DPYD: variants seen among roughly 807,000 people sequenced by gnomAD.
The protein encoded by DPYD is dihydropyrimidine dehydrogenase [NADP(+)].
Under a neutral mutation model 116.2 loss-of-function variants are expected in DPYD, and 109 were observed. The observed-to-expected ratio is 0.94, with a 90% CI of 0.80 to 1.10. The LOEUF (loss-of-function observed/expected upper bound fraction) is 1.10, where lower values mean the gene tolerates loss of function less well. Ranked by LOEUF, DPYD falls within the 50% of genes least tolerant of loss-of-function variation. DPYD has a pLI of 0.00. For synonymous variants in DPYD, 440 were observed against 432.0 expected (o/e 1.02, Z -0.23); for missense variants, 1,302 against 1,254.5 (o/e 1.04, Z -0.57).
At chr1:97,742,190 CA>C (rs1664304511) in intron 3 of DPYD, among the ~76,000 whole-genome samples, 1 of 152,024 alleles carries the variant, frequency 6.6e-6, no homozygotes, top group Non-Finnish European at 1.5e-5. Flanking sequence ...TGCTCAGTGA[CA>C]AAGGTGACTA....
intron 2 of DPYD, 79 bp downstream of exon 2, chr1:97,883,184 TA>T (rs1408764571): frequency 2.3e-6 from 2 of 875,362 alleles, no homozygotes; most frequent in Non-Finnish European, 3.8e-6. Context: ...ACCTTATTTC[TA>T]AGTGTATGTA....
rs71071637 is a variant in DPYD at position 97,195,634 on chromosome 1, GTATA to G, written c.2443-2390_2443-2387del. Among the ~76,000 whole-genome samples the G allele has an allele frequency of 6.3e-3, 362 of 57,562 alleles. 15 individuals carry two copies. Among genetic ancestry groups the G allele is most frequent in the East Asian group, 0.013 (20 of 1,578 alleles). The allele number at this position is 57,562 out of a possible 152,430, so 37.8% of individuals were successfully genotyped here. On this transcript the variant is annotated intron_variant, in intron 19 of 22. Transcript: ENST00000370192. The stretch of plus-strand genomic sequence containing the variant: ...TATATATGTATGTGTATATGTATGT[GTATA>G]TATATATATATATATATATATATAT...
At chr1:97,248,870 CA>C (rs1419905766) in intron 18 of DPYD, among the ~76,000 whole-genome samples, 4 of 152,024 alleles carry the variant, frequency 2.6e-5, no homozygotes, top group African/African-American at 9.7e-5. Flanking sequence ...CAAAAAGCAA[CA>C]ATAGGAGTAC....
rs7514826 is a variant in DPYD, at chr1:97,844,568, A to T, written c.151-16372T>A. On this transcript the variant is annotated intron_variant, in intron 2 of 22. Coordinates refer to ENST00000370192, the MANE Select transcript of DPYD (RefSeq NM_000110.4). ...CAGTGAACATGTGGAGGTGCTGGTG[A>T]TAACAGCGGTGGTCTATCTGGAGTG... 7.3e-3 allele frequency among the ~76,000 whole-genome samples: 1,116 copies of T among 152,342 alleles called. 15 individuals carry two copies. Among genetic ancestry groups the T allele is most frequent in the African/African-American group, 0.025 (1,056 of 41,584 alleles).
intron 14 of DPYD, among the ~76,000 whole-genome samples, chr1:97,412,269 G>C (rs983630249): frequency 6.6e-6 from 1 of 152,122 alleles, no homozygotes; most frequent in African/African-American, 2.4e-5. Flanking sequence ...TACACTGAAG[G>C]CTTGAAAACA....
intron 18 of DPYD, among the ~76,000 whole-genome samples, chr1:97,247,325 G>A (rs1290544875): frequency 6.6e-6 from 1 of 152,118 alleles, no homozygotes; most frequent in African/African-American, 2.4e-5. Context: ...ATCTCCTAAA[G>A]TATTACCTAA....
chr1:97,532,333 T>G (rs1649688536), intron 12 of DPYD, among the ~76,000 whole-genome samples: 1 of 152,164 alleles, frequency 6.6e-6, no homozygotes, highest in African/African-American at 2.4e-5. Context: ...GATATTGGCC[T>G]GTCATTTTCT....
At chr1:97,286,923 C>A (rs1218415750) in intron 18 of DPYD, among the ~76,000 whole-genome samples, 1 of 152,228 alleles carries the variant, frequency 6.6e-6, no homozygotes, top group Non-Finnish European at 1.5e-5. Context: ...CTCAACTCGT[C>A]AAAGTCATTC....
At chr1:97,205,017 T>C (rs1043662388) in intron 19 of DPYD, among the ~76,000 whole-genome samples, 4 of 152,026 alleles carry the variant, frequency 2.6e-5, no homozygotes, top group Admixed American at 6.6e-5. Flanking sequence ...TTTAGTACAC[T>C]TTTAGATTTA....
chr1:97,896,333 C>T (rs906602304), intron 1 of DPYD, among the ~76,000 whole-genome samples: 1 of 151,698 alleles, frequency 6.6e-6, no homozygotes, highest in Non-Finnish European at 1.5e-5. Context: ...TACATATCTC[C>T]AATTTAAAGT....
chr1:97,829,961 A>G (rs1669449336), intron 2 of DPYD, among the ~76,000 whole-genome samples: 1 of 148,996 alleles, frequency 6.7e-6, no homozygotes, highest in Non-Finnish European at 1.5e-5. Flanking sequence ...ATGTGTTCTC[A>G]TTGGTCAATT....
chr1:97,791,907 G>GA (rs989844162), intron 3 of DPYD, among the ~76,000 whole-genome samples: 57 of 152,008 alleles, frequency 3.7e-4, no homozygotes, highest in African/African-American at 1.4e-3. Flanking sequence ...GGGTAAAAAA[G>GA]AAAAAAACCC....
chr1:97,451,222 G>A (rs1291300820), intron 13 of DPYD, among the ~76,000 whole-genome samples: 11 of 151,896 alleles, frequency 7.2e-5, no homozygotes, highest in Admixed American at 7.2e-4. Flanking sequence ...CATAACATTT[G>A]GACGTTTTTC....
chr1:97,539,360 T>C (rs1277094361), intron 12 of DPYD, among the ~76,000 whole-genome samples: 1 of 152,294 alleles, frequency 6.6e-6, no homozygotes, highest in East Asian at 1.9e-4. Context: ...AGAAAATAGA[T>C]CTTTTCCTTT....
intron 22 of DPYD, among the ~76,000 whole-genome samples, chr1:97,080,129 G>C (rs982125940): frequency 6.6e-6 from 1 of 151,958 alleles, no homozygotes; most frequent in African/African-American, 2.4e-5. Flanking sequence ...AGGGGATTTA[G>C]GAAACTTGCC....
At chr1:97,735,602 G>A (rs1275338935) in intron 4 of DPYD, among the ~76,000 whole-genome samples, 1 of 150,894 alleles carries the variant, frequency 6.6e-6, no homozygotes, top group East Asian at 1.9e-4. Flanking sequence ...GCAGGAGAAT[G>A]GCGTGAACCC....
chr1:97,123,556 T>C (rs1652606970), intron 20 of DPYD, among the ~76,000 whole-genome samples: 1 of 152,138 alleles, frequency 6.6e-6, no homozygotes, highest in Non-Finnish European at 1.5e-5. Context: ...ATCACATTTA[T>C]ACACTAGCTT....
intron 16 of DPYD, among the ~76,000 whole-genome samples, chr1:97,319,259 C>CA (rs1176048580): frequency 6.6e-6 from 1 of 150,582 alleles, no homozygotes; most frequent in Non-Finnish European, 1.5e-5. Context: ...AATAGAGACA[C>CA]AAAAAACCCT....
Position 97,638,701 on chromosome 1 carries a change from G to A in DPYD, c.850+40394C>T, listed in dbSNP as rs141605496. 2.6e-3 allele frequency among the ~76,000 whole-genome samples: 392 copies of A among 152,218 alleles called. 3 individuals are homozygous for A. The highest frequency in any genetic ancestry group is 4.9e-3 in the Non-Finnish European group (335 of 68,010). On this transcript the variant is annotated intron_variant, in intron 8 of 22. Coordinates refer to ENST00000370192, the MANE Select transcript of DPYD (RefSeq NM_000110.4). The stretch of plus-strand genomic sequence containing the variant: ...GTGAGGCCTCAGTAGACTTACAATC[G>A]TGGCAGAAGGGAGGGGGAGCTGGTA...
Sources: allele counts gnomAD v4.1 joint callset (sites outside exome capture counted in the v4.1 genomes callset), GRCh38; gene constraint gnomAD v4.1.1; transcripts MANE v1.5; gene names NCBI Gene and HGNC (gene_info 2026-07-23, HGNC 2026-07-21).